The following ACSL4 variants were observed in gnomAD, a reference collection of about 807,000 sequenced individuals.
The protein encoded by ACSL4 is long-chain-fatty-acid--CoA ligase 4.
Under a neutral mutation model 49.1 loss-of-function variants are expected in ACSL4, and 9 were observed. That is an observed-to-expected ratio of 0.18 (90% CI 0.11 to 0.32). The LOEUF is 0.32. Among genes scored for constraint, ACSL4 ranks in the 10% least tolerant of loss-of-function variants. ACSL4 has a pLI of 1.00. For missense variants in ACSL4, 333 were observed against 493.7 expected (o/e 0.67, Z 3.08); for synonymous variants, 191 against 170.3 (o/e 1.12, Z -0.95).
In ACSL4 at chrX:109,702,182, T is replaced by C. The variant is rs954775017; in HGVS notation, c.-65-5986A>G. 9.9e-5 allele frequency among the ~76,000 whole-genome samples: 11 copies of C among 110,648 alleles called. No homozygotes were observed. The East Asian group carries it at 1.2e-3, about 12-fold the overall frequency. On this transcript the variant is annotated intron_variant, in intron 1 of 15. Transcript: ENST00000672401. ...GTGAGCCAAGATTGCATCATTGCACTCCAGCCTGGGCGACAATGGCAAACC... is the reference window on the plus strand; with the variant it reads ...GTGAGCCAAGATTGCATCATTGCACCCCAGCCTGGGCGACAATGGCAAACC...
chrX:109,717,449 T>C (rs1026833087), intron 1 of ACSL4, among the ~76,000 whole-genome samples: 1 of 110,477 alleles, frequency 9.1e-6, no homozygotes, highest in Non-Finnish European at 1.9e-5. Context: ...TGAGCCCAGA[T>C]AGCGCCATTG....
At chrX:109,662,608 C>T (rs1409158395) in intron 13 of ACSL4, among the ~76,000 whole-genome samples, 1 of 110,936 alleles carries the variant, frequency 9.0e-6, no homozygotes, top group African/African-American at 3.3e-5. Context: ...ATTTTTTGAA[C>T]ATAAAGGTCC....
chrX:109,647,897 T>A (rs1341467572), intron 15 of ACSL4, among the ~76,000 whole-genome samples: 1 of 111,073 alleles, frequency 9.0e-6, no homozygotes, highest in Non-Finnish European at 1.9e-5. Flanking sequence ...TACAAACACC[T>A]CTACGCAAAT....
At chrX:109,726,985 G>C (rs1928056630) in intron 1 of ACSL4, among the ~76,000 whole-genome samples, 1 of 110,881 alleles carries the variant, frequency 9.0e-6, no homozygotes, top group Admixed American at 9.6e-5. Context: ...CCAAAGTGCT[G>C]GGATTATAGG....
At chrX:109,732,629 TCGGAA>T (rs769174490) in intron 1 of ACSL4, among the ~76,000 whole-genome samples, 1 of 111,354 alleles carries the variant, frequency 9.0e-6, no homozygotes, top group Admixed American at 9.4e-5. Flanking sequence ...AAGGAAGATA[TCGGAA>T]GCGACGGCAT....
chrX:109,685,758 G>A (rs1205044981), intron 2 of ACSL4, among the ~76,000 whole-genome samples: 1 of 109,587 alleles, frequency 9.1e-6, no homozygotes, highest in African/African-American at 3.3e-5. Context: ...ACCTCAGTCT[G>A]GGACCACACT....
At chrX:109,649,744 A>C (rs1444524024) in intron 15 of ACSL4, among the ~76,000 whole-genome samples, 2 of 109,780 alleles carry the variant, frequency 1.8e-5, no homozygotes, top group Non-Finnish European at 3.8e-5. Context: ...CAGGCAACCT[A>C]CAAAATGGGA....
At chrX:109,664,450 T>G (rs1041362986) in intron 12 of ACSL4, among the ~76,000 whole-genome samples, 1 of 111,931 alleles carries the variant, frequency 8.9e-6, no homozygotes, top group African/African-American at 3.2e-5. Flanking sequence ...CAGATTTTCA[T>G]GGTAAAATTG....
chrX:109,693,636 CATTT>C (rs1422676158), intron 2 of ACSL4, among the ~76,000 whole-genome samples: 2 of 112,239 alleles, frequency 1.8e-5, no homozygotes, highest in Non-Finnish European at 3.8e-5. Flanking sequence ...CCTCCACATT[CATTT>C]GTTTATCTGG....
intron 14 of ACSL4, among the ~76,000 whole-genome samples, chrX:109,659,773 G>A (rs1423329000): frequency 9.0e-6 from 1 of 110,665 alleles, no homozygotes; most frequent in Non-Finnish European, 1.9e-5. Flanking sequence ...ATGAGGAAAG[G>A]ACAGTCTCGT....
chrX:109,674,221 A>T (rs1305235065), intron 9 of ACSL4, among the ~76,000 whole-genome samples, 181 bp downstream of exon 9: 2 of 112,041 alleles, frequency 1.8e-5, no homozygotes, highest in Admixed American at 1.9e-4. Context: ...AAATCTTGCC[A>T]TTTTGTCTTC....
rs771538928 is a variant in ACSL4, at chrX:109,665,374, T to A, written c.1390+46A>T. 2.8e-6 allele frequency: 3 copies of A among 1,081,539 alleles called. No individual in the cohort carries two copies. In the South Asian group the frequency reaches 5.5e-5, roughly 20 times the overall value. 89.1% of individuals were successfully genotyped at this position (1,081,539 alleles called of 1,213,427 possible). On this transcript the variant is annotated intron_variant, in intron 12 of 15. Coordinates refer to ENST00000672401, the MANE Select transcript of ACSL4 (RefSeq NM_001318510.2). ...ATGAAAGTCATAAAGCTGACAGTAGTTTTCAGCATATCTTGAATCACTAGA... is the reference window on the plus strand; with the variant it reads ...ATGAAAGTCATAAAGCTGACAGTAGATTTCAGCATATCTTGAATCACTAGA...
chrX:109,680,887 T>A, intron 6 of ACSL4, 111 bp downstream of exon 6: 1 of 842,528 alleles, frequency 1.2e-6, no homozygotes, highest in Non-Finnish European at 1.7e-6. Flanking sequence ...TGAACTTTTT[T>A]TTTTCAGTCA....
At chrX:109,715,905 C>A (rs746363085) in intron 1 of ACSL4, among the ~76,000 whole-genome samples, 2 of 111,885 alleles carry the variant, frequency 1.8e-5, no homozygotes, top group East Asian at 5.6e-4. Flanking sequence ...CCACTGGGTA[C>A]GGACTCACTG....
chrX:109,659,735 T>C (rs1922012118), intron 14 of ACSL4, among the ~76,000 whole-genome samples: 1 of 110,971 alleles, frequency 9.0e-6, no homozygotes, highest in Admixed American at 9.6e-5. Context: ...GGAGAAACGA[T>C]CTTTGACAAG....
At chrX:109,687,572 G>A (rs1385255475) in intron 2 of ACSL4, among the ~76,000 whole-genome samples, 1 of 111,545 alleles carries the variant, frequency 9.0e-6, no homozygotes, top group Non-Finnish European at 1.9e-5. Flanking sequence ...ACAGGGGCCT[G>A]TCAGGGGATG....
At chrX:109,684,109 G>T (rs182238294) in intron 2 of ACSL4, among the ~76,000 whole-genome samples, 53 of 111,156 alleles carry the variant, frequency 4.8e-4, no homozygotes, top group Non-Finnish European at 8.9e-4. Flanking sequence ...ATATCCAAAG[G>T]GGGGGGTGGG....
chrX:109,680,327 C>G (rs1203166792), intron 6 of ACSL4, among the ~76,000 whole-genome samples: 1 of 111,994 alleles, frequency 8.9e-6, no homozygotes, highest in Non-Finnish European at 1.9e-5. Flanking sequence ...TGCTCATTCT[C>G]TAATGGTAAA....
chrX:109,663,076 T>C (rs1006940900), intron 13 of ACSL4, 135 bp downstream of exon 13: 24 of 553,434 alleles, frequency 4.3e-5, no homozygotes, highest in Non-Finnish European at 6.3e-5. Context: ...GAGAAGCTCA[T>C]ACATAAGTTA....
Sources: allele counts gnomAD v4.1 joint callset (sites outside exome capture counted in the v4.1 genomes callset), GRCh38; gene constraint gnomAD v4.1.1; transcripts MANE v1.5; gene names NCBI Gene and HGNC (gene_info 2026-07-23, HGNC 2026-07-21).